The following PRKD2 variants were observed in gnomAD, a reference collection of about 807,000 sequenced individuals.
The protein encoded by PRKD2 is serine/threonine-protein kinase D2.
A neutral mutation model predicts 86.0 loss-of-function variants in PRKD2; 22 were observed. The observed-to-expected ratio is 0.26, with a 90% CI of 0.18 to 0.37. The LOEUF (loss-of-function observed/expected upper bound fraction) is 0.37, where lower values mean the gene tolerates loss of function less well. Among genes scored for constraint, PRKD2 ranks in the 10% least tolerant of loss-of-function variants. PRKD2 has a pLI of 1.00. For synonymous variants in PRKD2, 509 were observed against 510.9 expected (o/e 1.00, Z 0.05); for missense variants, 818 against 1,199.2 (o/e 0.68, Z 4.70).
At chr19:46,696,999 G>A (rs1004204200) in intron 9 of PRKD2, among the ~76,000 whole-genome samples, 158 bp downstream of exon 9, 8 of 150,842 alleles carry the variant, frequency 5.3e-5, no homozygotes, top group African/African-American at 1.9e-4. Context: ...AGAATCGGAT[G>A]GGCAGCACTT....
chr19:46,695,736 G>A (rs1181053353), intron 9 of PRKD2, among the ~76,000 whole-genome samples: 3 of 152,124 alleles, frequency 2.0e-5, no homozygotes, highest in East Asian at 1.9e-4. Context: ...AGAGGAAGGA[G>A]GGAGGTAGGA....
In PRKD2 at chr19:46,714,150, A is replaced by G. The variant is rs556619367; in HGVS notation, c.241-149T>C. ...CCTCGCTTCCTGCCTGCCCCCTCCC[A>G]ACCCCAGCGCGAGCCGGGCAGGATG... is the stretch of plus-strand genomic sequence containing the variant. On this transcript the variant is annotated intron_variant, in intron 1 of 17. Transcript: ENST00000291281. The G allele has an allele frequency of 6.6e-6, 9 of 1,355,706 alleles. No individual in the cohort carries two copies. In the East Asian group the frequency reaches 2.5e-4, roughly 38 times the overall value. 84.0% of individuals were successfully genotyped at this position (1,355,706 alleles called of 1,614,324 possible). A position where few individuals can be genotyped will look rare whatever the true frequency, so the allele number is the denominator to read the frequency against.
chr19:46,674,336 G>T lies in PRKD2; in HGVS notation c.*187C>A. 1.6e-6 allele frequency: 1 copy of T among 622,734 alleles called. No homozygotes were observed. Among genetic ancestry groups the T allele is most frequent in the Non-Finnish European group, 2.8e-6 (1 of 360,196 alleles). The allele number at this position is 622,734 out of a possible 1,614,324, so 38.6% of individuals were successfully genotyped here. ...CCGTGTGCTGAGATCAAGGCCATGG[G>T]GCCAGAGATGAGTCCGTTTTAATTG... On this transcript the variant is annotated 3_prime_UTR_variant, in exon 18 of 18. Coordinates refer to ENST00000291281, the MANE Select transcript of PRKD2 (RefSeq NM_016457.5).
At chr19:46,681,575 A>T in intron 15 of PRKD2, 75 bp downstream of exon 15, 1 of 840,636 alleles carries the variant, frequency 1.2e-6, no homozygotes, top group Non-Finnish European at 1.9e-6. Flanking sequence ...TGATTAGTAT[A>T]ATCCCCTTCC....
At chr19:46,703,828 T>C (rs2053668879) in intron 5 of PRKD2, among the ~76,000 whole-genome samples, 1 of 149,870 alleles carries the variant, frequency 6.7e-6, no homozygotes, top group East Asian at 2.0e-4. Flanking sequence ...CCTGTAGTCC[T>C]AGCTACTTGG....
intron 3 of PRKD2, among the ~76,000 whole-genome samples, chr19:46,709,962 A>G (rs2053780503): frequency 2.0e-5 from 3 of 151,842 alleles, no homozygotes; most frequent in Admixed American, 6.6e-5. Flanking sequence ...CAGTGGCACA[A>G]TCTCGGCTCA....
intron 3 of PRKD2, among the ~76,000 whole-genome samples, chr19:46,706,725 TA>T (rs1458352229): frequency 6.6e-6 from 1 of 152,096 alleles, no homozygotes; most frequent in Non-Finnish European, 1.5e-5. Context: ...AAAGACTGCA[TA>T]TGCTGAGACC....
rs778388678 is a variant in PRKD2 at position 46,700,967 on chromosome 19, G to T, written c.968-15C>A. On this transcript the variant is annotated splice_polypyrimidine_tract_variant and intron_variant, in intron 6 of 17. Coordinates refer to ENST00000291281, the MANE Select transcript of PRKD2 (RefSeq NM_016457.5). ...CATCGGCACATCTGTGGGGACGGAGGCATCAGAGGGGTCTCCACCCAGTCC... is the reference window on the plus strand; with the variant it reads ...CATCGGCACATCTGTGGGGACGGAGTCATCAGAGGGGTCTCCACCCAGTCC... 6.2e-7 allele frequency: 1 copy of T among 1,614,206 alleles called. No individual in the cohort carries two copies. The highest frequency in any genetic ancestry group is 1.1e-5 in the South Asian group (1 of 91,086).
rs569630832 is a variant in PRKD2 at position 46,713,017 on chromosome 19, T to C, written c.379+846A>G. ...ACATCATAACTTTTTTTTTTCTTTT[T>C]CTACTTTTTTTCTTTTTTAGAGATA... is the stretch of plus-strand genomic sequence containing the variant. On this transcript the variant is annotated intron_variant, in intron 2 of 17. Coordinates refer to ENST00000291281, the MANE Select transcript of PRKD2 (RefSeq NM_016457.5). 5.3e-5 allele frequency among the ~76,000 whole-genome samples: 8 copies of C among 152,104 alleles called. No individual in the cohort carries two copies. The South Asian group carries it at 1.2e-3, about 24-fold the overall frequency.
intron 8 of PRKD2, 117 bp downstream of exon 8, chr19:46,697,616 T>C: frequency 1.1e-6 from 1 of 908,222 alleles, no homozygotes; most frequent in Non-Finnish European, 1.7e-6. Flanking sequence ...CCCAGCCCAC[T>C]ACTGGCCCCG....
intron 5 of PRKD2, among the ~76,000 whole-genome samples, chr19:46,703,497 C>T (rs927184669): frequency 2.0e-5 from 3 of 152,092 alleles, no homozygotes; most frequent in Admixed American, 6.6e-5. Context: ...TGTGGCCAGG[C>T]GCGGTGGCTC....
At chr19:46,701,383 G>T (rs1335048779) in intron 5 of PRKD2, among the ~76,000 whole-genome samples, 6 of 151,866 alleles carry the variant, frequency 4.0e-5, no homozygotes, top group Admixed American at 3.9e-4. Context: ...TATTTTGGGA[G>T]GCCGGGGAGA....
intron 9 of PRKD2, 80 bp from the exon 10 acceptor site, chr19:46,694,213 G>A: frequency 6.5e-7 from 1 of 1,540,792 alleles, no homozygotes. Context: ...GGATACACGG[G>A]ATCCATGTTG....
At chr19:46,695,974 G>A (rs1410098710) in intron 9 of PRKD2, among the ~76,000 whole-genome samples, 1 of 152,054 alleles carries the variant, frequency 6.6e-6, no homozygotes, top group Non-Finnish European at 1.5e-5. Flanking sequence ...AAGTAGCTGG[G>A]GTTATAGGCA....
chr19:46,692,681 C>A (rs1474967548), intron 10 of PRKD2, among the ~76,000 whole-genome samples: 1 of 152,182 alleles, frequency 6.6e-6, no homozygotes, highest in Non-Finnish European at 1.5e-5. Flanking sequence ...GCCTAAAAGC[C>A]ATGGCCTAGA....
At chr19:46,710,186 C>T (rs1005348060) in intron 3 of PRKD2, among the ~76,000 whole-genome samples, 3 of 151,576 alleles carry the variant, frequency 2.0e-5, no homozygotes, top group African/African-American at 7.3e-5. Flanking sequence ...CATGAGCCAC[C>T]GTGTCCGGCC....
At chr19:46,675,007 T>C (rs2053175529) in intron 17 of PRKD2, 26 bp downstream of exon 17, 2 of 1,579,014 alleles carry the variant, frequency 1.3e-6, no homozygotes, top group Non-Finnish European at 1.7e-6. Context: ...ATCCAGCCAA[T>C]GGGCCAGCCC....
chr19:46,708,971 G>GTTTTTTTTTTTTT (rs796086305), intron 3 of PRKD2, among the ~76,000 whole-genome samples: 1 of 80,290 alleles, frequency 1.2e-5, no homozygotes, highest in Non-Finnish European at 2.6e-5. Context: ...GTTTGTTTGT[G>GTTTTTTTTTTTTT]GTTTTTTTTT....
intron 9 of PRKD2, 37 bp downstream of exon 9, chr19:46,697,120 C>A: frequency 4.0e-6 from 6 of 1,493,384 alleles, no homozygotes; most frequent in Non-Finnish European, 5.6e-6. Context: ...GTGGGCACAG[C>A]GGGAAGTCCG....
Sources: allele counts gnomAD v4.1 joint callset (sites outside exome capture counted in the v4.1 genomes callset), GRCh38; gene constraint gnomAD v4.1.1; transcripts MANE v1.5; gene names NCBI Gene and HGNC (gene_info 2026-07-23, HGNC 2026-07-21).